The following C6orf62 variants were observed in gnomAD, a reference collection of about 807,000 sequenced individuals.
C6orf62 encodes the protein uncharacterized protein C6orf62.
In C6orf62, 16 loss-of-function variants were observed where a neutral mutation model predicts 26.8. The ratio of observed to expected loss-of-function variants is 0.60; its 90% CI spans 0.40 to 0.91. The LOEUF is 0.91. Ranked by LOEUF, C6orf62 falls within the 40% of genes least tolerant of loss-of-function variation. The probability of loss-of-function intolerance (pLI) is 0.00; values close to 1 mark genes in which losing one functional copy is unlikely to be tolerated. For synonymous variants in C6orf62, 112 were observed against 91.5 expected (o/e 1.22, Z -1.28); for missense variants, 192 against 271.4 (o/e 0.71, Z 2.06).
rs1779005156 is a variant in C6orf62, at chr6:24,706,172, T to A, written c.655A>T (p.Ile219Leu). The change falls in exon 5 of 5, where the codon ATA becomes TTA. Residue 219 changes from isoleucine to leucine, a missense_variant. By Grantham distance (5) the Ile-to-Leu change is conservative (BLOSUM62 2). Coordinates refer to ENST00000378119, the MANE Select transcript of C6orf62 (RefSeq NM_030939.5). The stretch of plus-strand genomic sequence containing the variant: ...ATATAAGGACGGAGGTGATCCTCTA[T>A]GGTGCCAACTGCCCAGTGGGTGAGC... Reference protein sequence around the residue: ...EQLTHWAVGTIEDHLRPYMPE With the variant: ...EQLTHWAVGTLEDHLRPYMPE The A allele has an allele frequency of 6.2e-7, 1 of 1,614,104 alleles. No individual in the cohort carries two copies. Among genetic ancestry groups the A allele is most frequent in the African/African-American group, 1.3e-5 (1 of 74,944 alleles).
At chr6:24,716,531 A>G (rs1779234121) in intron 1 of C6orf62, among the ~76,000 whole-genome samples, 1 of 152,322 alleles carries the variant, frequency 6.6e-6, no homozygotes, top group East Asian at 1.9e-4. Context: ...AACTGTCATT[A>G]GAATGTTTAA....
chr6:24,708,742 T>C, intron 4 of C6orf62, 35 bp downstream of exon 4: 3 of 1,613,450 alleles, frequency 1.9e-6, no homozygotes, highest in Non-Finnish European at 2.5e-6. Flanking sequence ...AGTTTTTGAA[T>C]GAGCCTGTAA....
intron 1 of C6orf62, among the ~76,000 whole-genome samples, chr6:24,717,816 GA>G (rs1326442561): frequency 6.6e-6 from 1 of 152,156 alleles, no homozygotes; most frequent in Non-Finnish European, 1.5e-5. Flanking sequence ...GATAATTTAA[GA>G]AAATGTTCAT....
chr6:24,718,723 C>T lies in C6orf62; in HGVS notation c.-55G>A. 1 of 1,598,576 alleles carries T rather than the reference C, an allele frequency of 6.3e-7. No individual in the cohort carries two copies. Among genetic ancestry groups the T allele is most frequent in the Non-Finnish European group, 8.5e-7 (1 of 1,176,610 alleles). On this transcript the variant is annotated 5_prime_UTR_variant, in exon 1 of 5. The change creates a new upstream start codon in the 5' untranslated region. Transcript: ENST00000378119. ...GGAAATTGTCACTAAACTATGGGCA[C>T]TTTTTCTTAAGACTCAAGTACAACA...
chr6:24,720,013 G>GGGGGCGGC, upstream of C6orf62: 1 of 1,479,412 alleles, frequency 6.8e-7, no homozygotes, highest in Non-Finnish European at 9.0e-7. Flanking sequence ...TCTAAAGTAA[G>GGGGGCGGC]CCCACCCACC....
chr6:24,717,680 G>A (rs1033568116), intron 1 of C6orf62, among the ~76,000 whole-genome samples: 1 of 152,162 alleles, frequency 6.6e-6, no homozygotes, highest in African/African-American at 2.4e-5. Flanking sequence ...AAAACTTCCA[G>A]ATACTTAATA....
At chr6:24,720,111 T>C, upstream of C6orf62, 1 of 1,203,758 alleles carries the variant, frequency 8.3e-7, no homozygotes, top group Non-Finnish European at 1.0e-6. Context: ...TAGGGTGGGG[T>C]CGTTAGTTGT....
Position 24,718,913 on chromosome 6 carries a change from C to A in C6orf62, c.-245G>T, listed in dbSNP as rs1218306639. 10 of 1,265,340 alleles carry A rather than the reference C, an allele frequency of 7.9e-6. No individual in the cohort carries two copies. Among genetic ancestry groups the A allele is most frequent in the East Asian group, 3.8e-5 (1 of 26,230 alleles). 78.4% of individuals were successfully genotyped at this position (1,265,340 alleles called of 1,614,324 possible). On this transcript the variant is annotated 5_prime_UTR_variant, in exon 1 of 5. Transcript: ENST00000378119. ...TTGGACAATAACGTTTGGGGTCAGA[C>A]GGGAAAAAGGGAGGAAAGAAAGGAA...
chr6:24,711,009 C>CA lies in C6orf62; in HGVS notation c.430-2099dup, dbSNP rs71770151. Among the ~76,000 whole-genome samples the CA allele has an allele frequency of 4.0e-4, 61 of 151,128 alleles. 1 individual carries two copies. The highest frequency in any genetic ancestry group is 1.1e-3 in the African/African-American group (45 of 41,178). ...CCCATCTCACCATCTCAAAACAAAA[C>CA]AAAAAAAACAGCCATACTAGGAAAC... On this transcript the variant is annotated intron_variant, in intron 3 of 4. Transcript: ENST00000378119.
upstream of C6orf62, chr6:24,719,565 G>A (rs1177149148): frequency 4.1e-6 from 5 of 1,227,362 alleles, no homozygotes; most frequent in East Asian, 4.0e-5. Context: ...GACGGCAGAA[G>A]GAAAAGGGGT....
rs764901328 is a variant in C6orf62, at chr6:24,706,110, ATCT to A, written c.*24_*26del. On this transcript the variant is annotated 3_prime_UTR_variant, in exon 5 of 5. Transcript: ENST00000378119. The stretch of plus-strand genomic sequence containing the variant: ...AAAAAAACTGCTGCTGCATTCTCTG[ATCT>A]TCTCCATTTTGCTGGTCAGTACTCT... The A allele has an allele frequency of 8.1e-6, 13 of 1,607,188 alleles. No homozygotes were observed. In the African/African-American group the frequency reaches 1.2e-4, roughly 15 times the overall value.
At chr6:24,714,821 G>A (rs1020599211) in intron 2 of C6orf62, among the ~76,000 whole-genome samples, 2 of 152,074 alleles carry the variant, frequency 1.3e-5, no homozygotes, top group East Asian at 1.9e-4. Flanking sequence ...GTTTCACCAC[G>A]TCAGCCAGGC....
chr6:24,710,835 CA>C (rs1275449007), intron 3 of C6orf62, among the ~76,000 whole-genome samples: 2 of 151,820 alleles, frequency 1.3e-5, no homozygotes, highest in Non-Finnish European at 2.9e-5. Context: ...CCTATCTCTA[CA>C]AAAATAATTA....
intron 1 of C6orf62, 50 bp downstream of exon 1, chr6:24,718,488 TAC>T (rs1779283096): frequency 6.6e-7 from 1 of 1,505,780 alleles, no homozygotes; most frequent in South Asian, 1.2e-5. Flanking sequence ...ACAAATAATA[TAC>T]ACTTACAAAA....
intron 2 of C6orf62, among the ~76,000 whole-genome samples, chr6:24,715,029 T>C (rs773505842): frequency 2.6e-5 from 4 of 152,218 alleles, no homozygotes; most frequent in African/African-American, 7.2e-5. Context: ...ATCTCTGATA[T>C]CTGTTGTATT....
In C6orf62 at chr6:24,705,039, A is replaced by G. The variant is rs1013747793; in HGVS notation, c.*1098T>C. ...AGATTTACTCCAATAAAAGTATGCA[A>G]CCCTTAAGCAAAGCTTTTCTTCATT... On this transcript the variant is annotated 3_prime_UTR_variant, in exon 5 of 5. Coordinates refer to ENST00000378119, the MANE Select transcript of C6orf62 (RefSeq NM_030939.5). The G allele has an allele frequency of 6.6e-6, 1 of 151,476 alleles. No individual in the cohort carries two copies. Among genetic ancestry groups the G allele is most frequent in the African/African-American group, 2.4e-5 (1 of 41,138 alleles). 9.4% of individuals were successfully genotyped at this position (151,476 alleles called of 1,614,324 possible).
chr6:24,710,257 A>C (rs1383479078), intron 3 of C6orf62: 1 of 983,882 alleles, frequency 1.0e-6, no homozygotes, highest in Non-Finnish European at 1.2e-6. Context: ...GGTTATCTGT[A>C]AAACTCCAAT....
At chr6:24,719,613 GA>G (rs1779313460), upstream of C6orf62, 12 of 1,428,460 alleles carry the variant, frequency 8.4e-6, no homozygotes, top group Non-Finnish European at 6.4e-6. Flanking sequence ...TCTGTGGTTA[GA>G]CCTGATTAAT....
At position 24,714,346 on chromosome 6, in the gene C6orf62, T is replaced by C; in HGVS notation, c.401A>G (p.Glu134Gly). 6.2e-7 allele frequency: 1 copy of C among 1,611,222 alleles called. No individual in the cohort carries two copies. The highest frequency in any genetic ancestry group is 8.5e-7 in the Non-Finnish European group (1 of 1,179,132). The change falls in exon 3 of 5, where the codon GAA becomes GGA. Residue 134 changes from glutamate to glycine, a missense_variant. Transcript: ENST00000378119. Reference sequence around the variant, plus strand: ...AACAGGCCTAAAAGGCTCATCAGATTCTTTCCACCTAGAAAACAGGAGACA... The same window carrying C: ...AACAGGCCTAAAAGGCTCATCAGATCCTTTCCACCTAGAAAACAGGAGACA... ...IVCLLFSRWK[E>G]SDEPFRPVQA... is the part of the protein sequence containing the mutation.
Sources: allele counts gnomAD v4.1 joint callset (sites outside exome capture counted in the v4.1 genomes callset), GRCh38; gene constraint gnomAD v4.1.1; transcripts MANE v1.5; gene names NCBI Gene and HGNC (gene_info 2026-07-23, HGNC 2026-07-21).